CREB5: variants seen among roughly 807,000 people sequenced by gnomAD.
CREB5 encodes cAMP responsive element binding protein 5.
CREB5 carries 19 observed loss-of-function variants against 57.1 expected under a neutral mutation model. The ratio of observed to expected loss-of-function variants is 0.33; its 90% CI spans 0.23 to 0.49. CREB5 has a LOEUF of 0.49. Among genes scored for constraint, CREB5 ranks in the 20% least tolerant of loss-of-function variants. The pLI, the probability that CREB5 is intolerant of heterozygous loss-of-function variation, is 0.99. For missense variants in CREB5, 579 were observed against 671.6 expected (o/e 0.86, Z 1.52); for synonymous variants, 238 against 238.3 (o/e 1.00, Z 0.01).
intron 5 of CREB5, among the ~76,000 whole-genome samples, chr7:28,641,158 G>A (rs1244627657): frequency 1.3e-5 from 2 of 152,096 alleles, no homozygotes; most frequent in African/African-American, 4.8e-5. Context: ...CTGGGTTAAT[G>A]TTAGCTAATG....
intron 4 of CREB5, among the ~76,000 whole-genome samples, chr7:28,514,170 GA>G (rs1385420815): frequency 6.6e-6 from 1 of 152,052 alleles, no homozygotes; most frequent in African/African-American, 2.4e-5. Flanking sequence ...TCACAGTAAA[GA>G]AAAAAAGTAT....
At position 28,819,627 on chromosome 7, in the gene CREB5, A is replaced by C; in HGVS notation, c.*348A>C. 1 of 179,336 alleles carries C rather than the reference A, an allele frequency of 5.6e-6. No individual in the cohort carries two copies. The highest frequency in any genetic ancestry group is 5.6e-5 in the Admixed American group (1 of 17,940). The allele number at this position is 179,336 out of a possible 1,614,324, so 11.1% of individuals were successfully genotyped here. ...GAAACATTGAATCTTGTTAAACCAC[A>C]GCTTTTAGCTAAAATGAGGTATACC... On this transcript the variant is annotated 3_prime_UTR_variant, in exon 11 of 11. Coordinates refer to ENST00000357727, the MANE Select transcript of CREB5 (RefSeq NM_182898.4).
intron 1 of CREB5, among the ~76,000 whole-genome samples, chr7:28,420,891 AG>A (rs1280192964): frequency 1.3e-5 from 2 of 151,882 alleles, no homozygotes; most frequent in African/African-American, 4.8e-5. Flanking sequence ...ATGGGGAAAA[AG>A]TTTGCTTGTA....
At chr7:28,470,625 A>G (rs1790765770) in intron 1 of CREB5, among the ~76,000 whole-genome samples, 1 of 152,114 alleles carries the variant, frequency 6.6e-6, no homozygotes, top group Admixed American at 6.5e-5. Context: ...TGGTAGCTCT[A>G]TTTTTTAGCT....
At chr7:28,533,813 G>A (rs1411443988) in intron 4 of CREB5, among the ~76,000 whole-genome samples, 3 of 152,110 alleles carry the variant, frequency 2.0e-5, no homozygotes, top group Admixed American at 6.5e-5. Context: ...GCTCTTGAGG[G>A]GAATCATCCT....
chr7:28,504,065 A>G (rs2128604727), intron 3 of CREB5, among the ~76,000 whole-genome samples: 1 of 152,348 alleles, frequency 6.6e-6, no homozygotes, highest in South Asian at 2.1e-4. Flanking sequence ...CTTTCCAGTT[A>G]CAACAAGAAC....
At chr7:28,451,922 A>G (rs999513617) in intron 1 of CREB5, among the ~76,000 whole-genome samples, 2 of 152,210 alleles carry the variant, frequency 1.3e-5, no homozygotes, top group Admixed American at 6.5e-5. Flanking sequence ...GTATATTCAC[A>G]TTGAACATAT....
chr7:28,773,144 T>G (rs1221298278), intron 7 of CREB5, among the ~76,000 whole-genome samples: 1 of 152,140 alleles, frequency 6.6e-6, no homozygotes, highest in African/African-American at 2.4e-5. Flanking sequence ...AATACTTTCT[T>G]AAATAGCTTG....
intron 5 of CREB5, among the ~76,000 whole-genome samples, chr7:28,598,720 G>A (rs1333657961): frequency 1.3e-5 from 2 of 152,020 alleles, no homozygotes; most frequent in Non-Finnish European, 2.9e-5. Flanking sequence ...TGTTGAGTTG[G>A]CCTGGCTCAA....
chr7:28,575,267 G>A lies in CREB5; in HGVS notation c.464+4730G>A, dbSNP rs185154006. ...ATGTGGCTTTGCTGTGTGAGTTCAC[G>A]TTCCTGCCCAGTGTTCCCTCAAGAT... On this transcript the variant is annotated intron_variant, in intron 5 of 10. Transcript: ENST00000357727. Among the ~76,000 whole-genome samples the A allele has an allele frequency of 6.2e-3, 949 of 152,312 alleles. 39 individuals are homozygous for A. Among genetic ancestry groups the A allele is most frequent in the Admixed American group, 0.05 (770 of 15,296 alleles).
Position 28,417,873 on chromosome 7 carries a change from C to A in CREB5, c.3+4956C>A, listed in dbSNP as rs147987983. 1.7e-4 allele frequency among the ~76,000 whole-genome samples: 26 copies of A among 152,254 alleles called. No homozygotes were observed. In the East Asian group the frequency reaches 4.6e-3, roughly 27 times the overall value. ...AGAATGAATAACTTAGACAATAATTCTTTGCACCACAAATGGGCTCTGTTT... is the reference window on the plus strand; with the variant it reads ...AGAATGAATAACTTAGACAATAATTATTTGCACCACAAATGGGCTCTGTTT... On this transcript the variant is annotated intron_variant, in intron 1 of 10. Coordinates refer to ENST00000357727, the MANE Select transcript of CREB5 (RefSeq NM_182898.4).
intron 1 of CREB5, among the ~76,000 whole-genome samples, chr7:28,438,484 T>C (rs555274085): frequency 3.9e-5 from 6 of 152,242 alleles, no homozygotes; most frequent in African/African-American, 1.4e-4. Context: ...ACCTGATAAG[T>C]ATTGATTAAT....
intron 1 of CREB5, among the ~76,000 whole-genome samples, chr7:28,459,446 G>C (rs1790256503): frequency 6.6e-6 from 1 of 152,186 alleles, no homozygotes; most frequent in South Asian, 2.1e-4. Context: ...GAGTCATGTA[G>C]TACTGGTGTT....
intron 1 of CREB5, among the ~76,000 whole-genome samples, chr7:28,415,979 C>T (rs1469255135): frequency 1.3e-5 from 2 of 152,102 alleles, no homozygotes; most frequent in Non-Finnish European, 2.9e-5. Context: ...TGAGGTTTGA[C>T]TGGCAAAACT....
intron 1 of CREB5, among the ~76,000 whole-genome samples, chr7:28,444,826 C>T (rs1390087822): frequency 6.6e-6 from 1 of 152,150 alleles, no homozygotes; most frequent in Non-Finnish European, 1.5e-5. Context: ...ACTCTATCAC[C>T]CTGAAACCAT....
intron 7 of CREB5, among the ~76,000 whole-genome samples, chr7:28,781,619 C>T (rs566146895): frequency 1.3e-5 from 2 of 152,278 alleles, no homozygotes; most frequent in African/African-American, 4.8e-5. Context: ...AGGTGGTCTC[C>T]ATGCTAGACA....
chr7:28,619,392 G>A (rs1350914086), intron 5 of CREB5, among the ~76,000 whole-genome samples: 1 of 152,218 alleles, frequency 6.6e-6, no homozygotes, highest in Non-Finnish European at 1.5e-5. Flanking sequence ...TGTTTCTGCT[G>A]GACAAATGTC....
At position 28,466,935 on chromosome 7, in the gene CREB5, A is replaced by C. The variant is rs73297201; in HGVS notation, c.4-21240A>C. On this transcript the variant is annotated intron_variant, in intron 1 of 10. Coordinates refer to ENST00000357727, the MANE Select transcript of CREB5 (RefSeq NM_182898.4). The stretch of plus-strand genomic sequence containing the variant: ...GCACACTTGAAGGGGTAATCAAAGA[A>C]AGTGCAATGTGCACAGGCTAACTGG... Among the ~76,000 whole-genome samples, 628 of 152,366 alleles carry C rather than the reference A, an allele frequency of 4.1e-3. 4 individuals carry two copies. Among genetic ancestry groups the C allele is most frequent in the African/African-American group, 0.015 (606 of 41,588 alleles).
chr7:28,802,944 T>C (rs1411770211), intron 7 of CREB5, among the ~76,000 whole-genome samples: 1 of 152,258 alleles, frequency 6.6e-6, no homozygotes, highest in Admixed American at 6.5e-5. Flanking sequence ...TATCAGAACA[T>C]AGCAGATTCA....
Sources: allele counts gnomAD v4.1 joint callset (sites outside exome capture counted in the v4.1 genomes callset), GRCh38; gene constraint gnomAD v4.1.1; transcripts MANE v1.5; gene names NCBI Gene and HGNC (gene_info 2026-07-23, HGNC 2026-07-21).